AGXT2: variants seen among roughly 807,000 people sequenced by gnomAD.
AGXT2 encodes the protein alanine--glyoxylate aminotransferase 2.
Under a neutral mutation model 62.5 loss-of-function variants are expected in AGXT2, and 61 were observed. The ratio of observed to expected loss-of-function variants is 0.98; its 90% CI spans 0.79 to 1.21. The LOEUF (loss-of-function observed/expected upper bound fraction) is 1.21, where lower values mean the gene tolerates loss of function less well. AGXT2 is among the 50% of genes most tolerant of loss of function. The probability of loss-of-function intolerance (pLI) is 0.00; values close to 1 mark genes in which losing one functional copy is unlikely to be tolerated. For synonymous variants in AGXT2, 243 were observed against 218.7 expected (o/e 1.11, Z -0.98); for missense variants, 666 against 641.5 (o/e 1.04, Z -0.41).
chr5:35,013,685 G>A (rs1357907494), intron 10 of AGXT2, among the ~76,000 whole-genome samples: 3 of 151,906 alleles, frequency 2.0e-5, no homozygotes, highest in Non-Finnish European at 2.9e-5. Flanking sequence ...AGGAGGCTGA[G>A]GCAGGAGAAT....
At chr5:35,014,249 C>G (rs570144833) in intron 9 of AGXT2, 130 bp from the exon 10 acceptor site, 2 of 1,227,958 alleles carry the variant, frequency 1.6e-6, no homozygotes, top group South Asian at 2.5e-5. Flanking sequence ...GTCAGGAGTT[C>G]AAGACCAGCC....
chr5:35,004,564 C>T (rs935347351), intron 12 of AGXT2, among the ~76,000 whole-genome samples: 5 of 152,188 alleles, frequency 3.3e-5, no homozygotes, highest in African/African-American at 1.2e-4. Context: ...TGAGTACAAA[C>T]GTCTCCCTCT....
At chr5:35,012,527 C>G in intron 11 of AGXT2, 1 of 230,938 alleles carries the variant, frequency 4.3e-6, no homozygotes, top group South Asian at 6.6e-5. Context: ...AGCTGAATTA[C>G]CTTGCTGTAA....
At chr5:35,043,972 G>A (rs1055788874) in intron 1 of AGXT2, among the ~76,000 whole-genome samples, 14 of 152,126 alleles carry the variant, frequency 9.2e-5, no homozygotes, top group African/African-American at 2.9e-4. Context: ...GATTACAGGC[G>A]TGAACCACTA....
intron 4 of AGXT2, 91 bp from the exon 5 acceptor site, chr5:35,035,407 G>C: frequency 2.0e-6 from 2 of 1,022,120 alleles, no homozygotes; most frequent in Non-Finnish European, 3.1e-6. Context: ...TCCAGCCCCT[G>C]AGTATTAAGG....
At chr5:35,000,696 A>G (rs1034957988) in intron 13 of AGXT2, among the ~76,000 whole-genome samples, 8 of 152,158 alleles carry the variant, frequency 5.3e-5, no homozygotes, top group Admixed American at 4.6e-4. Context: ...TGCCCGTTAA[A>G]AGTCAGTGTT....
At chr5:35,013,593 C>T (rs1401494122) in intron 10 of AGXT2, among the ~76,000 whole-genome samples, 1 of 152,106 alleles carries the variant, frequency 6.6e-6, no homozygotes. Flanking sequence ...ACCAGCCTGG[C>T]CAACATGGTG....
intron 1 of AGXT2, among the ~76,000 whole-genome samples, chr5:35,045,743 G>GA (rs1768163507): frequency 7.1e-6 from 1 of 141,448 alleles, no homozygotes; most frequent in East Asian, 2.0e-4. Context: ...AGGTAGTGTG[G>GA]TTTTTTTCTT....
Position 35,039,358 on chromosome 5 carries a change from C to T in AGXT2, c.328G>A (p.Gly110Arg), listed in dbSNP as rs542873930. 30 of 1,614,092 alleles carry T rather than the reference C, an allele frequency of 1.9e-5. No homozygotes were observed. In the African/African-American group the frequency reaches 1.9e-4, roughly 10 times the overall value. ...TGGCCAACACTGACAGTAACAATCC[C>T]GGAAAAGAAATCCAGGTATCTGCTT... ...EGSRYLDFFS[G>R]IVTVSVGHCH... Residue 110 changes from glycine to arginine, a missense_variant, in exon 3 of 14, where the codon GGG (glycine) becomes AGG (arginine). Transcript: ENST00000231420.
At chr5:35,026,209 G>A in intron 8 of AGXT2, 1 of 624,126 alleles carries the variant, frequency 1.6e-6, no homozygotes, top group Non-Finnish European at 2.8e-6. Flanking sequence ...AGTTTCATCT[G>A]TCTGGTGAGA....
rs545187246 is a variant in AGXT2, at chr5:35,007,229, G to A, written c.1338+2771C>T. Among the ~76,000 whole-genome samples, 32 of 152,298 alleles carry A rather than the reference G, an allele frequency of 2.1e-4. 1 individual carries two copies. The South Asian group carries it at 4.6e-3, about 22-fold the overall frequency. Reference sequence around the variant, plus strand: ...TCTATGAACCAGAAAGTGGGCCCTCGTCAGACACCAAGTTGGCCTGCACCT... The same window carrying A: ...TCTATGAACCAGAAAGTGGGCCCTCATCAGACACCAAGTTGGCCTGCACCT... On this transcript the variant is annotated intron_variant, in intron 12 of 13. Transcript: ENST00000231420.
chr5:35,005,136 A>G (rs1180478631), intron 12 of AGXT2, among the ~76,000 whole-genome samples: 1 of 152,228 alleles, frequency 6.6e-6, no homozygotes, highest in African/African-American at 2.4e-5. Context: ...TGAGAACTAG[A>G]AGGGCATTAA....
At chr5:35,040,063 CAGAG>C (rs371303344) in intron 2 of AGXT2, among the ~76,000 whole-genome samples, 22 of 143,862 alleles carry the variant, frequency 1.5e-4, no homozygotes, top group South Asian at 2.2e-4. Flanking sequence ...GCATGCATAA[CAGAG>C]AGAGAGAGAG....
intron 7 of AGXT2, among the ~76,000 whole-genome samples, chr5:35,028,527 G>T (rs935336871): frequency 3.5e-5 from 5 of 144,850 alleles, no homozygotes; most frequent in Admixed American, 7.1e-5. Context: ...GTCAGAATTG[G>T]AAGTGGGAAT....
chr5:35,037,383 C>A (rs1020273180), intron 3 of AGXT2, among the ~76,000 whole-genome samples: 1 of 152,180 alleles, frequency 6.6e-6, no homozygotes, highest in Admixed American at 6.5e-5. Flanking sequence ...TTCTTATTAA[C>A]CATCTTTTGA....
intron 9 of AGXT2, 24 bp from the exon 10 acceptor site, chr5:35,014,143 T>C (rs759743337): frequency 1.6e-5 from 26 of 1,613,638 alleles, no homozygotes; most frequent in East Asian, 4.5e-5. Context: ...TTCAAAACCA[T>C]TGGAAACCCT....
intron 9 of AGXT2, among the ~76,000 whole-genome samples, chr5:35,022,429 T>C (rs1038176187): frequency 1.6e-4 from 24 of 151,968 alleles, no homozygotes; most frequent in African/African-American, 5.6e-4. Flanking sequence ...TGAAGGGACA[T>C]GGATGAAATT....
At position 35,035,237 on chromosome 5, in the gene AGXT2, T is replaced by C; in HGVS notation, c.566A>G (p.Asp189Gly). The change falls in exon 5 of 14, where the codon GAC (aspartate) becomes GGC (glycine). Residue 189 changes from aspartate to glycine, a missense_variant. Transcript: ENST00000231420. Reference sequence around the variant, plus strand: ...TTGTGATTACCTGAAAGAAATGATGTCTATGTTGTTTGAGTGCGCCCTGGC... The same window carrying C: ...TTGTGATTACCTGAAAGAAATGATGCCTATGTTGTTTGAGTGCGCCCTGGC... ...LMARAHSNNI[D>G]IISFRGAYHG... 1 of 1,614,092 alleles carries C rather than the reference T, an allele frequency of 6.2e-7. No individual in the cohort carries two copies. Among genetic ancestry groups the C allele is most frequent in the Non-Finnish European group, 8.5e-7 (1 of 1,179,958 alleles).
chr5:35,031,316 C>T (rs1034810240), intron 7 of AGXT2, among the ~76,000 whole-genome samples: 2 of 152,288 alleles, frequency 1.3e-5, no homozygotes, highest in East Asian at 1.9e-4. Context: ...ATTCCATGAG[C>T]GTGACATCTT....
Sources: gnomAD v4.1 joint callset for allele counts (sites outside exome capture counted in the v4.1 genomes callset) on GRCh38, gnomAD v4.1.1 for gene constraint, MANE v1.5 for transcripts, NCBI Gene and HGNC (gene_info 2026-07-23, HGNC 2026-07-21) for gene names.